Variants in STX8 observed in about 807,000 individuals in gnomAD.
The protein encoded by STX8 is syntaxin 8.
In STX8, 23 loss-of-function variants were observed where a neutral mutation model predicts 37.5. That is an observed-to-expected ratio of 0.61 (90% CI 0.44 to 0.87). The LOEUF (loss-of-function observed/expected upper bound fraction) is 0.87. Among genes scored for constraint, STX8 ranks in the 40% least tolerant of loss-of-function variants. The pLI, the probability that STX8 is intolerant of heterozygous loss-of-function variation, is 0.00. For synonymous variants in STX8, 115 were observed against 99.1 expected, an observed-to-expected ratio of 1.16 and a Z score of -0.95; for missense variants, 313 against 284.7, an observed-to-expected ratio of 1.10 and a Z score of -0.71.
At chr17:9,527,144 A>C (rs1232661606) in intron 4 of STX8, among the ~76,000 whole-genome samples, 1 of 125,076 alleles carries the variant, frequency 8.0e-6, no homozygotes, top group Non-Finnish European at 1.6e-5. Context: ...GCGCCACTGC[A>C]GTCCACAGTC....
At chr17:9,283,076 C>T (rs1319350911) in intron 7 of STX8, 1 of 152,022 alleles carries the variant, frequency 6.6e-6, no homozygotes, top group Non-Finnish European at 1.5e-5. Flanking sequence ...GAGCCCAGGA[C>T]ACCTGACAGG....
chr17:9,446,379 C>T (rs116387440), intron 6 of STX8, among the ~76,000 whole-genome samples: 1,930 of 152,244 alleles, frequency 0.013, 41 homozygotes, highest in African/African-American at 0.044. Flanking sequence ...CCACAACTTT[C>T]GAAAATTATT....
At chr17:9,300,493 G>A (rs557465900) in intron 7 of STX8, among the ~76,000 whole-genome samples, 6 of 152,018 alleles carry the variant, frequency 3.9e-5, no homozygotes, top group Non-Finnish European at 8.8e-5. Context: ...TTGAACCTTA[G>A]AAATGTTTTG....
intron 6 of STX8, among the ~76,000 whole-genome samples, chr17:9,380,170 C>A (rs113391583): frequency 7.9e-5 from 12 of 151,052 alleles, no homozygotes; most frequent in African/African-American, 2.9e-4. Flanking sequence ...TCTAATGCTA[C>A]TAATGATTAT....
rs147923655 is a variant in STX8, at chr17:9,428,532, G to A, written c.542-49879C>T. Among the ~76,000 whole-genome samples, 525 of 152,302 alleles carry A rather than the reference G, an allele frequency of 3.4e-3. 2 individuals carry two copies. Among genetic ancestry groups the A allele is most frequent in the Non-Finnish European group, 5.9e-3 (403 of 68,022 alleles). On this transcript the variant is annotated intron_variant, in intron 6 of 7. Transcript: ENST00000306357. Reference sequence around the variant, plus strand: ...TGGGATTACAGGCGTAAGCCACCCCGTCCGGCAAAGAAATGATTCTTAATC... The same window carrying A: ...TGGGATTACAGGCGTAAGCCACCCCATCCGGCAAAGAAATGATTCTTAATC...
At chr17:9,315,531 A>G (rs1163971846) in intron 7 of STX8, among the ~76,000 whole-genome samples, 1 of 152,206 alleles carries the variant, frequency 6.6e-6, no homozygotes, top group Non-Finnish European at 1.5e-5. Context: ...TGCGTGTCAC[A>G]TGCATTTGTT....
At chr17:9,548,071 GC>G (rs1436613624) in intron 3 of STX8, among the ~76,000 whole-genome samples, 9 of 151,576 alleles carry the variant, frequency 5.9e-5, no homozygotes, top group African/African-American at 9.7e-5. Flanking sequence ...ACAAGCATGA[GC>G]CACTTCACCT....
chr17:9,338,994 C>G (rs1910236539), intron 7 of STX8, among the ~76,000 whole-genome samples: 1 of 150,256 alleles, frequency 6.7e-6, no homozygotes, highest in Non-Finnish European at 1.5e-5. Context: ...TGGCGTGAAC[C>G]CGGGAAGCGG....
chr17:9,538,270 T>C (rs1410126070), intron 4 of STX8, among the ~76,000 whole-genome samples: 1 of 152,232 alleles, frequency 6.6e-6, no homozygotes, highest in Admixed American at 6.5e-5. Flanking sequence ...GAAGGGGGTT[T>C]ATGATATGGA....
intron 4 of STX8, among the ~76,000 whole-genome samples, chr17:9,516,332 T>TATATATATATATATATATATATATAC (rs1905159859): frequency 8.3e-6 from 1 of 120,496 alleles, no homozygotes. Context: ...TATATATATA[T>TATATATATATATATATATATATATAC]ATATATATAT....
At chr17:9,476,060 T>TC (rs1350129249) in intron 6 of STX8, among the ~76,000 whole-genome samples, 3 of 152,108 alleles carry the variant, frequency 2.0e-5, no homozygotes, top group Non-Finnish European at 2.9e-5. Flanking sequence ...ATGCTTGTAA[T>TC]CCCAACTACT....
chr17:9,448,246 C>T (rs547277709), intron 6 of STX8, among the ~76,000 whole-genome samples: 41 of 151,426 alleles, frequency 2.7e-4, no homozygotes, highest in Non-Finnish European at 4.6e-4. Context: ...CTTGCTAAAA[C>T]TTATTTGTAA....
At chr17:9,276,299 G>C (rs1907673677) in intron 7 of STX8, among the ~76,000 whole-genome samples, 1 of 152,106 alleles carries the variant, frequency 6.6e-6, no homozygotes, top group South Asian at 2.1e-4. Flanking sequence ...CCTAACGAAG[G>C]GAACATGTTT....
chr17:9,383,707 A>T (rs1022723723), intron 6 of STX8, among the ~76,000 whole-genome samples: 3 of 152,218 alleles, frequency 2.0e-5, no homozygotes, highest in Non-Finnish European at 4.4e-5. Flanking sequence ...ATGATTGTAC[A>T]CCCAGAAAAC....
chr17:9,458,270 C>T (rs1905241792), intron 6 of STX8, among the ~76,000 whole-genome samples: 1 of 151,504 alleles, frequency 6.6e-6, no homozygotes, highest in Admixed American at 6.6e-5. Flanking sequence ...CTGCCTTAAC[C>T]TCCCAAGTAG....
chr17:9,437,062 C>T (rs1904458055), intron 6 of STX8, among the ~76,000 whole-genome samples: 1 of 152,144 alleles, frequency 6.6e-6, no homozygotes, highest in Admixed American at 6.5e-5. Flanking sequence ...AAATGAAAAG[C>T]GTTCAAAGTG....
intron 6 of STX8, among the ~76,000 whole-genome samples, chr17:9,400,817 G>A (rs1248528537): frequency 6.6e-6 from 1 of 151,910 alleles, no homozygotes. Context: ...TTACAATCAT[G>A]GATTATCTAA....
chr17:9,341,961 G>T (rs1910374932), intron 7 of STX8, among the ~76,000 whole-genome samples: 1 of 152,170 alleles, frequency 6.6e-6, no homozygotes, highest in Non-Finnish European at 1.5e-5. Flanking sequence ...CCAGAGCCAA[G>T]GACTGTGGGC....
chr17:9,335,171 A>G (rs907543644), intron 7 of STX8, among the ~76,000 whole-genome samples: 5 of 152,118 alleles, frequency 3.3e-5, no homozygotes, highest in African/African-American at 1.2e-4. Flanking sequence ...GTGTGATCCA[A>G]CCCTAGCCAA....
Sources: allele counts gnomAD v4.1 joint callset (sites outside exome capture counted in the v4.1 genomes callset), GRCh38; gene constraint gnomAD v4.1.1; transcripts MANE v1.5; gene names NCBI Gene and HGNC (gene_info 2026-07-23, HGNC 2026-07-21).